SORBS2: variants seen among roughly 807,000 people sequenced by gnomAD.
The protein encoded by SORBS2 is sorbin and SH3 domain containing 2, also known as sorbin and SH3 domain-containing protein 2.
A neutral mutation model predicts 97.7 loss-of-function variants in SORBS2; 46 were observed. The ratio of observed to expected loss-of-function variants is 0.47; its 90% CI spans 0.37 to 0.60. The LOEUF is 0.60. Among genes scored for constraint, SORBS2 ranks in the 20% least tolerant of loss-of-function variants. SORBS2 has a pLI of 0.00. For synonymous variants in SORBS2, 476 were observed against 473.4 expected, an observed-to-expected ratio of 1.01 and a Z score of -0.07; for missense variants, 1,316 against 1,282.3, an observed-to-expected ratio of 1.03 and a Z score of -0.40.
intron 1 of SORBS2, among the ~76,000 whole-genome samples, chr4:185,914,366 C>T (rs1411441979): frequency 1.3e-5 from 2 of 152,154 alleles, no homozygotes; most frequent in African/African-American, 4.8e-5. Context: ...GTAGCATTTC[C>T]TCATTCTGGT....
intron 4 of SORBS2, among the ~76,000 whole-genome samples, chr4:185,633,742 T>C (rs144754721): frequency 1.3e-5 from 2 of 151,986 alleles, no homozygotes; most frequent in African/African-American, 4.8e-5. Context: ...TCTGCCACTA[T>C]CTTACCATGT....
chr4:185,765,459 T>A (rs1449231195), intron 2 of SORBS2, among the ~76,000 whole-genome samples: 1 of 152,208 alleles, frequency 6.6e-6, no homozygotes, highest in Non-Finnish European at 1.5e-5. Flanking sequence ...AAATGATTTT[T>A]AACATCAAAC....
chr4:185,671,689 A>G (rs2097714447), intron 4 of SORBS2, among the ~76,000 whole-genome samples: 1 of 152,230 alleles, frequency 6.6e-6, no homozygotes, highest in African/African-American at 2.4e-5. Context: ...TCACGTGAAC[A>G]CTGTCAGATA....
At position 185,652,005 on chromosome 4, in the gene SORBS2, C is replaced by T. The variant is rs567658548; in HGVS notation, c.91+657G>A. 1.6e-4 allele frequency among the ~76,000 whole-genome samples: 24 copies of T among 151,820 alleles called. No homozygotes were observed. The South Asian group carries it at 4.8e-3, about 30-fold the overall frequency. On this transcript the variant is annotated intron_variant, in intron 2 of 14. Transcript: ENST00000418609. The stretch of plus-strand genomic sequence containing the variant: ...TTTAAGAGACAGGGTTTTACCCTGT[C>T]GTCCAGTCTGGAGTGCAGTGGTGAT...
chr4:185,612,802 T>C (rs2096562409), intron 11 of SORBS2, among the ~76,000 whole-genome samples: 1 of 151,464 alleles, frequency 6.6e-6, no homozygotes, highest in Non-Finnish European at 1.5e-5. Flanking sequence ...TTTTCTTCTT[T>C]AATCTACATG....
chr4:185,635,140 G>A (rs1581461141), intron 4 of SORBS2, among the ~76,000 whole-genome samples: 1 of 152,244 alleles, frequency 6.6e-6, no homozygotes. Context: ...AGTTGTGGTT[G>A]GAATGATTCT....
intron 1 of SORBS2, among the ~76,000 whole-genome samples, chr4:185,891,652 C>T (rs545602100): frequency 6.6e-6 from 1 of 152,140 alleles, no homozygotes; most frequent in Non-Finnish European, 1.5e-5. Context: ...GACCCCCTGG[C>T]CTGTCAAACT....
At chr4:185,913,563 A>G (rs566155137) in intron 1 of SORBS2, among the ~76,000 whole-genome samples, 1 of 152,226 alleles carries the variant, frequency 6.6e-6, no homozygotes, top group African/African-American at 2.4e-5. Context: ...TGAAGAAGTC[A>G]CTTCCTATTA....
upstream of SORBS2, among the ~76,000 whole-genome samples, chr4:185,659,002 G>A (rs1315519410): frequency 2.0e-5 from 3 of 151,992 alleles, no homozygotes; most frequent in Admixed American, 6.6e-5. Context: ...CACCGTGGCC[G>A]GCCATAAGGA....
intron 1 of SORBS2, among the ~76,000 whole-genome samples, chr4:185,840,533 ATCT>A (rs1015331644): frequency 6.6e-6 from 1 of 152,096 alleles, no homozygotes; most frequent in East Asian, 1.9e-4. Flanking sequence ...TTCCATTCCA[ATCT>A]TCTTCTTCTA....
rs549041358 is a variant in SORBS2, at chr4:185,596,594, G to T, written c.2797-2659C>A. On this transcript the variant is annotated intron_variant, in intron 12 of 14. Transcript: ENST00000418609. Reference sequence around the variant, plus strand: ...TCTGCCACCAGGCTAGAGGTCAGTGGTGTGATCTTGGCTCACTGCAACCTC... The same window carrying T: ...TCTGCCACCAGGCTAGAGGTCAGTGTTGTGATCTTGGCTCACTGCAACCTC... 2.1e-3 allele frequency among the ~76,000 whole-genome samples: 309 copies of T among 145,408 alleles called. 2 individuals carry two copies. Among genetic ancestry groups the T allele is most frequent in the African/African-American group, 7.6e-3 (288 of 38,002 alleles).
At chr4:185,657,393 C>A, upstream of SORBS2, 1 of 1,507,322 alleles carries the variant, frequency 6.6e-7, no homozygotes, top group Admixed American at 2.4e-5. Flanking sequence ...GTGCACAGCC[C>A]CAGACAGACG....
intron 1 of SORBS2, among the ~76,000 whole-genome samples, chr4:185,928,972 C>T (rs773481873): frequency 1.4e-4 from 22 of 152,198 alleles, no homozygotes; most frequent in South Asian, 4.1e-4. Context: ...CATCCAAACT[C>T]TTATGGTAAC....
intron 2 of SORBS2, among the ~76,000 whole-genome samples, chr4:185,749,877 A>C (rs895890457): frequency 6.6e-6 from 1 of 152,190 alleles, no homozygotes; most frequent in Non-Finnish European, 1.5e-5. Context: ...AGAAATGAGA[A>C]GTTATTCTTT....
At chr4:185,788,847 G>T (rs963293437) in intron 1 of SORBS2, among the ~76,000 whole-genome samples, 1 of 152,276 alleles carries the variant, frequency 6.6e-6, no homozygotes, top group East Asian at 1.9e-4. Flanking sequence ...CTCTGTTTTC[G>T]TGTTACAGAT....
chr4:185,603,980 C>T lies in SORBS2; in HGVS notation c.2796+7800G>A, dbSNP rs73020280. Among the ~76,000 whole-genome samples, 804 of 152,132 alleles carry T rather than the reference C, an allele frequency of 5.3e-3. 5 individuals are homozygous for T. Among genetic ancestry groups the T allele is most frequent in the African/African-American group, 0.018 (764 of 41,488 alleles). ...TGTCTCCAGGCTCTGCTGAACCTGC[C>T]GATCGGTGGGAAATGACGGGAGACA... On this transcript the variant is annotated intron_variant, in intron 12 of 14. Transcript: ENST00000418609.
At position 185,811,725 on chromosome 4, in the gene SORBS2, C is replaced by T. The variant is rs2099186383; in HGVS notation, c.-337-36359G>A. On this transcript the variant is annotated intron_variant, in intron 1 of 20. The change abolishes an upstream ATG in the 5' untranslated region. Coordinates refer to the SORBS2 transcript ENST00000284776. Reference sequence around the variant, plus strand: ...CTCCGCCTCGGCCTCAGCGTGCAGACATATGCCCTGGGAGCCCACAATCTG... The same window carrying T: ...CTCCGCCTCGGCCTCAGCGTGCAGATATATGCCCTGGGAGCCCACAATCTG... 6.6e-6 allele frequency: 1 copy of T among 152,306 alleles called. No homozygotes were observed. The highest frequency in any genetic ancestry group is 2.1e-4 in the South Asian group (1 of 4,830). 9.4% of individuals were successfully genotyped at this position (152,306 alleles called of 1,614,324 possible). A position where few individuals can be genotyped will look rare whatever the true frequency, so the allele number is the denominator to read the frequency against.
intron 1 of SORBS2, among the ~76,000 whole-genome samples, chr4:185,811,277 A>T (rs1453464176): frequency 6.6e-6 from 1 of 152,228 alleles, no homozygotes; most frequent in East Asian, 1.9e-4. Flanking sequence ...AATGCTTCTC[A>T]TGTAGTTCTT....
At chr4:185,901,742 C>A (rs2099247883) in intron 1 of SORBS2, among the ~76,000 whole-genome samples, 1 of 152,074 alleles carries the variant, frequency 6.6e-6, no homozygotes, top group South Asian at 2.1e-4. Flanking sequence ...ATCAGGGTTT[C>A]GAACAATGAA....
Sources: allele counts gnomAD v4.1 joint callset (sites outside exome capture counted in the v4.1 genomes callset), GRCh38; gene constraint gnomAD v4.1.1; transcripts MANE v1.5; gene names NCBI Gene and HGNC (gene_info 2026-07-23, HGNC 2026-07-21).